SLC24A3: variants seen among roughly 807,000 people sequenced by gnomAD.
SLC24A3 encodes the protein sodium/potassium/calcium exchanger 3.
In SLC24A3, 28 loss-of-function variants were observed where a neutral mutation model predicts 75.8. The ratio of observed to expected loss-of-function variants is 0.37; its 90% CI spans 0.27 to 0.51. The LOEUF (loss-of-function observed/expected upper bound fraction) is 0.51. SLC24A3 is among the 20% of genes least tolerant of loss of function. The pLI is 0.94. For synonymous variants in SLC24A3, 372 were observed against 334.1 expected (o/e 1.11, Z -1.24); for missense variants, 663 against 847.8 (o/e 0.78, Z 2.71).
chr20:19,426,494 CA>C (rs59316566), intron 2 of SLC24A3, among the ~76,000 whole-genome samples: 1,770 of 152,290 alleles, frequency 0.012, 26 homozygotes, highest in African/African-American at 0.04. Context: ...GCTTACATTT[CA>C]AAAAGTCAAC....
At chr20:19,360,477 C>G (rs1341277170) in intron 2 of SLC24A3, among the ~76,000 whole-genome samples, 1 of 152,204 alleles carries the variant, frequency 6.6e-6, no homozygotes, top group Admixed American at 6.5e-5. Flanking sequence ...GTGAATACTT[C>G]AACATTTCAA....
At chr20:19,221,518 G>C (rs368526216) in intron 1 of SLC24A3, among the ~76,000 whole-genome samples, 22 of 152,280 alleles carry the variant, frequency 1.4e-4, no homozygotes, top group African/African-American at 5.3e-4. Flanking sequence ...TCCTACAATA[G>C]GGAGTGTGGA....
chr20:19,675,450 G>A (rs986438330), intron 9 of SLC24A3, among the ~76,000 whole-genome samples: 2 of 152,216 alleles, frequency 1.3e-5, no homozygotes, highest in East Asian at 1.9e-4. Context: ...AAATCAACAC[G>A]GACATTGGCA....
intron 2 of SLC24A3, among the ~76,000 whole-genome samples, chr20:19,366,960 C>A (rs1985902859): frequency 6.6e-6 from 1 of 152,162 alleles, no homozygotes; most frequent in African/African-American, 2.4e-5. Context: ...GTGCTCTCTA[C>A]TTTGAAACAG....
At chr20:19,639,175 T>A (rs1317174140) in intron 6 of SLC24A3, among the ~76,000 whole-genome samples, 3 of 152,122 alleles carry the variant, frequency 2.0e-5, no homozygotes, top group Admixed American at 6.6e-5. Context: ...CCCACTAGAT[T>A]ACCTAGATAC....
intron 2 of SLC24A3, among the ~76,000 whole-genome samples, chr20:19,478,784 A>C (rs1003494955): frequency 6.6e-6 from 1 of 152,208 alleles, no homozygotes; most frequent in Non-Finnish European, 1.5e-5. Context: ...TTCATGTTAC[A>C]TGATGAGGAA....
intron 2 of SLC24A3, among the ~76,000 whole-genome samples, chr20:19,509,613 T>G (rs1988507440): frequency 6.6e-6 from 1 of 152,260 alleles, no homozygotes; most frequent in Admixed American, 6.5e-5. Context: ...TGTTGCAGTC[T>G]CCAGGAGGAA....
intron 2 of SLC24A3, among the ~76,000 whole-genome samples, chr20:19,375,974 G>A (rs79797690): frequency 0.015 from 2,293 of 152,246 alleles, 59 homozygotes; most frequent in African/African-American, 0.051. Flanking sequence ...GTTCTCTTGC[G>A]TGTCTTGAGA....
At chr20:19,339,958 A>T (rs186640972) in intron 2 of SLC24A3, among the ~76,000 whole-genome samples, 1 of 152,140 alleles carries the variant, frequency 6.6e-6, no homozygotes, top group African/African-American at 2.4e-5. Context: ...TAACATTCTA[A>T]CCAGGACCCT....
At chr20:19,259,518 C>A in intron 1 of SLC24A3, among the ~76,000 whole-genome samples, 1 of 152,290 alleles carries the variant, frequency 6.6e-6, no homozygotes, top group East Asian at 1.9e-4. Flanking sequence ...TGAAGATTGG[C>A]GACCAGGCAA....
intron 2 of SLC24A3, among the ~76,000 whole-genome samples, chr20:19,423,857 C>A (rs745861301): frequency 1.3e-5 from 2 of 152,170 alleles, no homozygotes; most frequent in Non-Finnish European, 2.9e-5. Context: ...GTCAGCAGTT[C>A]ATGTCCCACA....
At position 19,593,877 on chromosome 20, in the gene SLC24A3, G is replaced by A. The variant is rs529512678; in HGVS notation, c.612+8333G>A. On this transcript the variant is annotated intron_variant, in intron 6 of 16. Coordinates refer to ENST00000328041, the MANE Select transcript of SLC24A3 (RefSeq NM_020689.4). ...GGCAGCCCAGAAAATGCCTTCTTCCGCACTGCTGCAACATGTGACATCTGC... is the reference window on the plus strand; with the variant it reads ...GGCAGCCCAGAAAATGCCTTCTTCCACACTGCTGCAACATGTGACATCTGC... Among the ~76,000 whole-genome samples the A allele has an allele frequency of 1.4e-4, 21 of 152,214 alleles. No individual in the cohort carries two copies. The South Asian group carries it at 2.7e-3, about 20-fold the overall frequency.
intron 2 of SLC24A3, among the ~76,000 whole-genome samples, chr20:19,407,054 C>T (rs117825564): frequency 2.0e-5 from 3 of 149,922 alleles, no homozygotes; most frequent in Admixed American, 6.6e-5. Flanking sequence ...GTAGTTTCTA[C>T]CAATCTGTGA....
intron 1 of SLC24A3, among the ~76,000 whole-genome samples, chr20:19,253,716 C>A (rs746714129): frequency 3.9e-5 from 6 of 152,170 alleles, no homozygotes; most frequent in Admixed American, 1.3e-4. Flanking sequence ...CTAACCCAGT[C>A]TGGCAGGAAA....
chr20:19,673,339 C>A (rs1331514120), intron 8 of SLC24A3, among the ~76,000 whole-genome samples: 1 of 152,210 alleles, frequency 6.6e-6, no homozygotes, highest in Non-Finnish European at 1.5e-5. Context: ...GAAAGGCTTG[C>A]TGCTTTCAAA....
intron 2 of SLC24A3, among the ~76,000 whole-genome samples, chr20:19,506,048 A>C (rs1484580192): frequency 6.6e-6 from 1 of 152,188 alleles, no homozygotes; most frequent in Non-Finnish European, 1.5e-5. Context: ...TAACCACATA[A>C]ATGGGTATTG....
intron 2 of SLC24A3, among the ~76,000 whole-genome samples, chr20:19,363,908 T>C (rs1397611626): frequency 6.6e-6 from 1 of 152,066 alleles, no homozygotes; most frequent in Admixed American, 6.5e-5. Context: ...TCTGAAGCAA[T>C]GAGGCTGAGT....
rs1326442180 is a variant in SLC24A3, at chr20:19,410,636, A to G, written c.272-104852A>G. On this transcript the variant is annotated intron_variant, in intron 2 of 16. Coordinates refer to ENST00000328041, the MANE Select transcript of SLC24A3 (RefSeq NM_020689.4). ...AGGTCTCTGGATTCCAAAAAGCCGA[A>G]ACCACATCTAATTTTGGTTTTGGTC... Among the ~76,000 whole-genome samples the G allele has an allele frequency of 3.3e-5, 5 of 152,196 alleles. No homozygotes were observed. In the East Asian group the frequency reaches 7.7e-4, roughly 23 times the overall value.
Position 19,587,049 on chromosome 20 carries a change from T to C in SLC24A3, c.612+1505T>C, listed in dbSNP as rs149475911. Reference sequence around the variant, plus strand: ...TGCCTTGGACACCTGCTTGTGGCCTTCCACAGATGAACAGTTGCACCCAGC... The same window carrying C: ...TGCCTTGGACACCTGCTTGTGGCCTCCCACAGATGAACAGTTGCACCCAGC... On this transcript the variant is annotated intron_variant, in intron 6 of 16. Coordinates refer to ENST00000328041, the MANE Select transcript of SLC24A3 (RefSeq NM_020689.4). Among the ~76,000 whole-genome samples the C allele has an allele frequency of 1.8e-3, 270 of 152,330 alleles. 2 individuals carry two copies. In the East Asian group the frequency reaches 0.019, roughly 11 times the overall value.
Sources: allele counts gnomAD v4.1 joint callset (sites outside exome capture counted in the v4.1 genomes callset), GRCh38; gene constraint gnomAD v4.1.1; transcripts MANE v1.5; gene names NCBI Gene and HGNC (gene_info 2026-07-23, HGNC 2026-07-21).